Variants in ADAM22 observed in about 807,000 individuals in gnomAD.
ADAM22 encodes ADAM metallopeptidase domain 22.
In ADAM22, 65 loss-of-function variants were observed where a neutral mutation model predicts 144.6. That is an observed-to-expected ratio of 0.45 (90% confidence interval 0.37 to 0.55). The LOEUF (loss-of-function observed/expected upper bound fraction) is 0.55, where lower values mean the gene tolerates loss of function less well. Ranked by LOEUF, ADAM22 falls within the 20% of genes least tolerant of loss-of-function variation. ADAM22 has a pLI of 0.00. For missense variants in ADAM22, 974 were observed against 1,184.9 expected, an observed-to-expected ratio of 0.82 and a Z score of 2.61; for synonymous variants, 391 against 412.6, an observed-to-expected ratio of 0.95 and a Z score of 0.63.
At chr7:88,031,417 T>C (rs544339953) in intron 3 of ADAM22, among the ~76,000 whole-genome samples, 25 of 152,328 alleles carry the variant, frequency 1.6e-4, no homozygotes, top group African/African-American at 6.0e-4. Flanking sequence ...GAAGTTCAGG[T>C]TTAAGTGGTC....
chr7:87,962,918 C>G (rs751760777), intron 2 of ADAM22, among the ~76,000 whole-genome samples: 39 of 152,096 alleles, frequency 2.6e-4, no homozygotes, highest in Non-Finnish European at 4.4e-4. Flanking sequence ...AAATTTGTCT[C>G]GAAGATCTGG....
intron 3 of ADAM22, among the ~76,000 whole-genome samples, chr7:88,014,742 C>T (rs1796180994): frequency 6.6e-6 from 1 of 152,228 alleles, no homozygotes; most frequent in African/African-American, 2.4e-5. Flanking sequence ...GCTTTGAGAG[C>T]TTTCTGGCAG....
At chr7:87,934,634 TC>T in intron 1 of ADAM22, 84 bp downstream of exon 1, 2 of 1,199,942 alleles carry the variant, frequency 1.7e-6, no homozygotes, top group Non-Finnish European at 1.1e-6. Flanking sequence ...AAAGGGGGCA[TC>T]CCCATTTCCC....
chr7:88,052,105 A>G (rs1187507649), intron 3 of ADAM22, among the ~76,000 whole-genome samples: 2 of 152,094 alleles, frequency 1.3e-5, no homozygotes, highest in African/African-American at 4.8e-5. Flanking sequence ...TTTACTGCCC[A>G]CCACTTGGGG....
At chr7:88,008,847 G>A (rs560190362) in intron 3 of ADAM22, among the ~76,000 whole-genome samples, 177 of 150,898 alleles carry the variant, frequency 1.2e-3, no homozygotes, top group Non-Finnish European at 1.8e-3. Flanking sequence ...GTATACATAT[G>A]TAACTAACCT....
chr7:88,059,658 T>C (rs972032270), intron 3 of ADAM22, among the ~76,000 whole-genome samples: 6 of 152,174 alleles, frequency 3.9e-5, no homozygotes, highest in African/African-American at 1.4e-4. Flanking sequence ...ATGTGGCATA[T>C]ATACACCATG....
intron 2 of ADAM22, among the ~76,000 whole-genome samples, chr7:87,946,650 C>G (rs1011226779): frequency 6.6e-6 from 1 of 152,190 alleles, no homozygotes; most frequent in African/African-American, 2.4e-5. Context: ...TGTTGAAGAT[C>G]AGATGGCTGG....
At chr7:88,181,448 C>A (rs1294841222) in intron 27 of ADAM22, 57 bp from the exon 28 acceptor site, 1 of 1,472,520 alleles carries the variant, frequency 6.8e-7, no homozygotes, top group South Asian at 1.2e-5. Context: ...GCTTACTGAT[C>A]TCAAAACATT....
At chr7:88,081,020 C>T (rs1420150944) in intron 4 of ADAM22, among the ~76,000 whole-genome samples, 1 of 152,138 alleles carries the variant, frequency 6.6e-6, no homozygotes, top group African/African-American at 2.4e-5. Context: ...ATACCAAAGC[C>T]TGGCAGAGAC....
At chr7:87,981,937 A>G (rs189841320) in intron 3 of ADAM22, among the ~76,000 whole-genome samples, 1 of 152,120 alleles carries the variant, frequency 6.6e-6, no homozygotes, top group East Asian at 1.9e-4. Context: ...TTGCTGTTCA[A>G]CTAAATTCAT....
chr7:87,935,367 C>T (rs1313301326), intron 2 of ADAM22, among the ~76,000 whole-genome samples, 181 bp downstream of exon 2: 1 of 152,160 alleles, frequency 6.6e-6, no homozygotes. Context: ...CAAAAAAGAA[C>T]CAAAATAACC....
At chr7:88,122,244 A>G (rs1486840334) in intron 7 of ADAM22, among the ~76,000 whole-genome samples, 1 of 152,226 alleles carries the variant, frequency 6.6e-6, no homozygotes, top group Admixed American at 6.5e-5. Context: ...GGAAGCTCAC[A>G]ACACTAGTGC....
rs537746772 is a variant in ADAM22 at position 87,965,371 on chromosome 7, G to C, written c.247-12965G>C. The stretch of plus-strand genomic sequence containing the variant: ...CCTTGGAAAACTTTTAGACGAGTGA[G>C]ATATGTTAGTAAAGAAGGCATATGG... On this transcript the variant is annotated intron_variant, in intron 2 of 31. Transcript: ENST00000413139. 3.9e-5 allele frequency among the ~76,000 whole-genome samples: 6 copies of C among 152,264 alleles called. No homozygotes were observed. The South Asian group carries it at 1.2e-3, about 32-fold the overall frequency.
At chr7:88,061,258 G>T (rs576522325) in intron 3 of ADAM22, among the ~76,000 whole-genome samples, 2 of 152,214 alleles carry the variant, frequency 1.3e-5, no homozygotes, top group Middle Eastern at 3.4e-3. Flanking sequence ...AACCATCCAT[G>T]ATGGTCAAAA....
intron 3 of ADAM22, among the ~76,000 whole-genome samples, chr7:88,006,520 G>A (rs1339039311): frequency 6.6e-6 from 1 of 151,850 alleles, no homozygotes; most frequent in Admixed American, 6.6e-5. Flanking sequence ...CTGGCAAACC[G>A]AATCCAGCAA....
intron 23 of ADAM22, among the ~76,000 whole-genome samples, chr7:88,165,337 T>A (rs1842707300): frequency 6.6e-6 from 1 of 152,066 alleles, no homozygotes; most frequent in East Asian, 1.9e-4. Context: ...AGTGCTAAGG[T>A]TGTATAGCCT....
rs780896141 is a variant in ADAM22 at position 88,163,164 on chromosome 7, T to C, written c.2060T>C (p.Ile687Thr). 18 of 1,606,054 alleles carry C rather than the reference T, an allele frequency of 1.1e-5. No homozygotes were observed. In the South Asian group the frequency reaches 1.8e-4, roughly 16 times the overall value. Residue 687 changes from isoleucine to threonine, a missense_variant, in exon 23 of 32, where the codon ATT becomes ACT. By Grantham distance (89) the Ile-to-Thr change is moderately conservative (BLOSUM62 -1). Around this residue, in one of 2 missense-constraint regions of ADAM22, gnomAD observed 734 missense variants for 950.6 expected, o/e 0.77. Coordinates refer to ENST00000413139, the MANE Select transcript of ADAM22 (RefSeq NM_001324418.2). ...TGCTTGAGCAGTAAAGAAGGCACTATTTGCTCAGGAAATGGAGTAAGTATC... is the reference window on the plus strand; with the variant it reads ...TGCTTGAGCAGTAAAGAAGGCACTACTTGCTCAGGAAATGGAGTAAGTATC... ...STCLSSKEGT[I>T]CSGNGVCSNE...
At chr7:88,082,037 T>C (rs199544244) in intron 4 of ADAM22, among the ~76,000 whole-genome samples, 83,896 of 151,470 alleles carry the variant, frequency 0.55, 24,270 homozygotes, top group East Asian at 0.87. Flanking sequence ...ACGTGAATCC[T>C]AAGCCAAAAG....
chr7:87,964,414 G>A (rs931551930), intron 2 of ADAM22, among the ~76,000 whole-genome samples: 1 of 152,022 alleles, frequency 6.6e-6, no homozygotes, highest in Non-Finnish European at 1.5e-5. Context: ...ACTTTTCTAG[G>A]GAAAGTTTAA....
Sources: gnomAD v4.1 joint callset for allele counts (sites outside exome capture counted in the v4.1 genomes callset) on GRCh38, gnomAD v4.1.1 for gene constraint, gnomAD v4.1.1 regional missense constraint, MANE v1.5 for transcripts, NCBI Gene and HGNC (gene_info 2026-07-23, HGNC 2026-07-21) for gene names.